LMAN2: variants seen among roughly 807,000 people sequenced by gnomAD.
LMAN2 encodes the protein vesicular integral-membrane protein VIP36.
LMAN2 carries 22 observed loss-of-function variants against 39.3 expected under a neutral mutation model. That is an observed-to-expected ratio of 0.56 (90% CI 0.40 to 0.80). The LOEUF (loss-of-function observed/expected upper bound fraction) is 0.80. LMAN2 is among the 30% of genes least tolerant of loss of function. LMAN2 has a pLI of 0.00. For synonymous variants in LMAN2, 207 were observed against 207.8 expected (o/e 1.00, Z 0.03); for missense variants, 494 against 505.4 (o/e 0.98, Z 0.22).
At chr5:177,345,381 A>G (rs973694524) in intron 2 of LMAN2, among the ~76,000 whole-genome samples, 3 of 151,010 alleles carry the variant, frequency 2.0e-5, no homozygotes, top group South Asian at 2.1e-4. Flanking sequence ...TTCAATGTCA[A>G]TGTGTAGCCT....
Position 177,351,456 on chromosome 5 carries a change from G to A in LMAN2, c.192C>T (p.Tyr64=). The A allele has an allele frequency of 6.2e-7, 1 of 1,613,036 alleles. No homozygotes were observed. Among genetic ancestry groups the A allele is most frequent in the Non-Finnish European group, 8.5e-7 (1 of 1,179,410 alleles). The stretch of plus-strand genomic sequence containing the variant: ...TTCCCGCCCCAAGGGCTTCACCTTG[G>A]TAGGGCTTAATGAGCGAATGCTCCC... ...LKREHSLIKP[Y]QGVGSSSMPL... is the part of the protein sequence containing the mutation. The change falls in exon 1 of 8, where the codon TAC becomes TAT. Residue 64 remains tyrosine (Y), a synonymous_variant. Transcript: ENST00000303127.
chr5:177,351,387 G>A, intron 1 of LMAN2, 65 bp downstream of exon 1: 1 of 1,603,852 alleles, frequency 6.2e-7, no homozygotes, highest in Non-Finnish European at 8.5e-7. Flanking sequence ...GAAAGGGCAC[G>A]CCTTCCCCTA....
chr5:177,332,774 GC>G lies in LMAN2; in HGVS notation c.911-529del, dbSNP rs1761409495. On this transcript the variant is annotated intron_variant, in intron 7 of 7. Transcript: ENST00000303127. The surrounding 1 kb of genome is among the most constrained non-coding windows in gnomAD (Gnocchi z 6.3). ...TCCACACAAGGTTCCCACAGGTCCT[GC>G]CCATCCTGGGATGGGGCCCACTGGT... Among the ~76,000 whole-genome samples, 1 of 152,160 alleles carries G rather than the reference GC, an allele frequency of 6.6e-6. No homozygotes were observed. Among genetic ancestry groups the G allele is most frequent in the African/African-American group, 2.4e-5 (1 of 41,442 alleles).
chr5:177,351,187 T>C lies in LMAN2; in HGVS notation c.301A>G (p.Ile101Val), dbSNP rs200210999. 19 of 1,614,158 alleles carry C rather than the reference T, an allele frequency of 1.2e-5. No homozygotes were observed. The Admixed American group carries it at 3.0e-4, about 25-fold the overall frequency. The change falls in exon 2 of 8, where the codon ATC becomes GTC. Residue 101 changes from isoleucine (I) to valine (V), a missense_variant. By Grantham distance (29) the Ile-to-Val change is conservative. Coordinates refer to ENST00000303127, the MANE Select transcript of LMAN2 (RefSeq NM_006816.3). ...GAACCACTCACCTGGTGGTTCCAGA[T>C]AGAGCCCTCTTTGCTGCGCTCGTCA... ...TPDERSKEGSIWNHQPCFLKD... is the reference protein window; with the variant it reads ...TPDERSKEGSVWNHQPCFLKD...
intron 2 of LMAN2, among the ~76,000 whole-genome samples, chr5:177,341,730 G>T (rs1456171789): frequency 6.6e-6 from 1 of 152,192 alleles, no homozygotes; most frequent in Admixed American, 6.5e-5. Context: ...GACTATAAGG[G>T]TGAAAATCTA....
At chr5:177,344,290 T>C (rs551619873) in intron 2 of LMAN2, among the ~76,000 whole-genome samples, 1 of 142,350 alleles carries the variant, frequency 7.0e-6, no homozygotes, top group African/African-American at 2.6e-5. Flanking sequence ...ACTTTTTTTT[T>C]TTTTTTTTTT....
chr5:177,343,703 GCCT>G lies in LMAN2; in HGVS notation c.316-5101_316-5099del, dbSNP rs759096068. 7.9e-5 allele frequency among the ~76,000 whole-genome samples: 12 copies of G among 151,980 alleles called. No homozygotes were observed. The South Asian group carries it at 1.0e-3, about 13-fold the overall frequency. On this transcript the variant is annotated intron_variant, in intron 2 of 7. Transcript: ENST00000303127. ...AAGTCAAAGAAGACAAATATTGTAT[GCCT>G]CCATTTATCATTTATGTGAGATGCC...
In LMAN2 at chr5:177,334,362, C is replaced by T; in HGVS notation, c.832G>A (p.Val278Met). The T allele has an allele frequency of 6.2e-7, 1 of 1,613,746 alleles. No individual in the cohort carries two copies. The highest frequency in any genetic ancestry group is 8.5e-7 in the Non-Finnish European group (1 of 1,180,006). Residue 278 changes from valine to methionine, a missense_variant, in exon 7 of 8, where the codon GTG (valine) becomes ATG (methionine). Physicochemically the swap from Val to Met is conservative, Grantham distance 21. Coordinates refer to ENST00000303127, the MANE Select transcript of LMAN2 (RefSeq NM_006816.3). ...CTCTCCTCGTCGGGCGTGTGCTCCA[C>T]CATCAGCTGGAACAGCTTCATGGAG... is the stretch of plus-strand genomic sequence containing the variant. ...IISMKLFQLM[V>M]EHTPDEESID...
chr5:177,348,623 G>C (rs1482484517), intron 2 of LMAN2, among the ~76,000 whole-genome samples: 2 of 149,164 alleles, frequency 1.3e-5, no homozygotes, highest in Non-Finnish European at 3.0e-5. Flanking sequence ...GTGAGGTGGA[G>C]GTTGCAGTGA....
intron 2 of LMAN2, among the ~76,000 whole-genome samples, chr5:177,350,473 G>A (rs1761705263): frequency 6.6e-6 from 1 of 152,138 alleles, no homozygotes. Flanking sequence ...ATACTCTGAG[G>A]CAAAGGTCAC....
intron 7 of LMAN2, among the ~76,000 whole-genome samples, chr5:177,333,237 A>G (rs181772949): frequency 8.5e-5 from 13 of 152,208 alleles, no homozygotes; most frequent in Admixed American, 2.0e-4. Flanking sequence ...CCCTAGAATG[A>G]GCCCCAGGGG....
intron 2 of LMAN2, among the ~76,000 whole-genome samples, chr5:177,345,339 T>TAA (rs10639580): frequency 0.35 from 18,048 of 51,850 alleles, 3,120 homozygotes; most frequent in African/African-American, 0.39. Flanking sequence ...AGACCCTGTC[T>TAA]AAAAAAAAAA....
At chr5:177,336,624 G>A (rs1473612553) in intron 6 of LMAN2, among the ~76,000 whole-genome samples, 5 of 152,174 alleles carry the variant, frequency 3.3e-5, no homozygotes, top group South Asian at 2.1e-4. Context: ...AGAAGGGTCC[G>A]GAAAGACAGC....
chr5:177,333,138 C>T (rs1056331646), intron 7 of LMAN2, among the ~76,000 whole-genome samples: 7 of 152,252 alleles, frequency 4.6e-5, no homozygotes, highest in Admixed American at 1.3e-4. Context: ...ACTGACCGAA[C>T]GCGGAGGTCC....
At chr5:177,348,690 A>T (rs1436641844) in intron 2 of LMAN2, among the ~76,000 whole-genome samples, 8 of 133,150 alleles carry the variant, frequency 6.0e-5, no homozygotes, top group Non-Finnish European at 1.1e-4. Context: ...TCTGTCTCAA[A>T]AAAAAAAAAA....
At chr5:177,344,101 C>T (rs566517211) in intron 2 of LMAN2, among the ~76,000 whole-genome samples, 2 of 151,432 alleles carry the variant, frequency 1.3e-5, no homozygotes, top group African/African-American at 4.9e-5. Flanking sequence ...GCCTTGTAAT[C>T]CCAGCTACTC....
chr5:177,345,549 A>G (rs1158511889), intron 2 of LMAN2, among the ~76,000 whole-genome samples: 1 of 151,986 alleles, frequency 6.6e-6, no homozygotes, highest in Non-Finnish European at 1.5e-5. Context: ...AAGAAATGGG[A>G]AAAAGTAAAA....
rs1581608157 is a variant in LMAN2 at position 177,351,538 on chromosome 5, A to G, written c.110T>C (p.Leu37Ser). Residue 37 changes from leucine (L) to serine (S), a missense_variant, in exon 1 of 8, where the codon TTG becomes TCG. Leu to Ser is a moderately radical substitution (Grantham distance 145, BLOSUM62 -2). Coordinates refer to ENST00000303127, the MANE Select transcript of LMAN2 (RefSeq NM_006816.3). ...PGPTTPLFLL[L>S]LLGSVTADIT... ...ATCCGCAGTCACAGACCCCAACAAC[A>G]AAAGAAGAAAGAGAGGTGTAGTGGG... 1.9e-5 allele frequency: 30 copies of G among 1,614,260 alleles called. No individual in the cohort carries two copies. Among genetic ancestry groups the G allele is most frequent in the Non-Finnish European group, 2.5e-5 (29 of 1,180,048 alleles).
intron 2 of LMAN2, among the ~76,000 whole-genome samples, chr5:177,339,084 C>T (rs1273187984): frequency 2.0e-5 from 3 of 152,218 alleles, no homozygotes; most frequent in East Asian, 1.9e-4. Flanking sequence ...TGGACTCACG[C>T]GCAGGGCTTT....
Sources: gnomAD v4.1 joint callset for allele counts (sites outside exome capture counted in the v4.1 genomes callset) on GRCh38, gnomAD v4.1.1 for gene constraint, Gnocchi (gnomAD v3.1) non-coding constraint, MANE v1.5 for transcripts, NCBI Gene and HGNC (gene_info 2026-07-23, HGNC 2026-07-21) for gene names.